SYNPR: variants seen among roughly 807,000 people sequenced by gnomAD.
SYNPR encodes the protein synaptoporin.
A neutral mutation model predicts 32.9 loss-of-function variants in SYNPR; 23 were observed. The observed-to-expected ratio is 0.70, with a 90% CI of 0.50 to 0.99. The LOEUF (loss-of-function observed/expected upper bound fraction) is 0.99. Ranked by LOEUF, SYNPR falls within the 50% of genes least tolerant of loss-of-function variation. The pLI is 0.00. For missense variants in SYNPR, 318 were observed against 349.3 expected, an observed-to-expected ratio of 0.91 and a Z score of 0.71; for synonymous variants, 146 against 135.9, an observed-to-expected ratio of 1.07 and a Z score of -0.52.
chr3:63,492,580 T>A (rs989867311), intron 3 of SYNPR, among the ~76,000 whole-genome samples: 1 of 152,192 alleles, frequency 6.6e-6, no homozygotes, highest in Non-Finnish European at 1.5e-5. Context: ...TTGGGGCACT[T>A]ACTGAAAATG....
upstream of SYNPR, among the ~76,000 whole-genome samples, chr3:63,223,952 C>A (rs1314562922): frequency 6.6e-6 from 1 of 152,128 alleles, no homozygotes; most frequent in Non-Finnish European, 1.5e-5. Context: ...CATGTATCTT[C>A]TTGTTGCATA....
chr3:63,365,361 G>A (rs190344701), intron 2 of SYNPR, among the ~76,000 whole-genome samples: 27 of 152,278 alleles, frequency 1.8e-4, no homozygotes, highest in African/African-American at 6.0e-4. Flanking sequence ...CTGGACGTGG[G>A]GGTGGGTTGT....
chr3:63,535,934 T>C (rs1021457754), intron 3 of SYNPR, among the ~76,000 whole-genome samples: 2 of 151,966 alleles, frequency 1.3e-5, no homozygotes, highest in Non-Finnish European at 2.9e-5. Flanking sequence ...ATAGATAAAC[T>C]GGATTTCATC....
At chr3:63,276,810 G>A (rs12630309), upstream of SYNPR, among the ~76,000 whole-genome samples, 36,598 of 151,666 alleles carry the variant, frequency 0.24, 4,670 homozygotes, top group South Asian at 0.38. Flanking sequence ...TTCATGAGCA[G>A]GGGGCATTTA....
intron 3 of SYNPR, among the ~76,000 whole-genome samples, chr3:63,272,692 A>G (rs1030852704): frequency 6.6e-6 from 1 of 152,074 alleles, no homozygotes; most frequent in Non-Finnish European, 1.5e-5. Flanking sequence ...CCATACCTTC[A>G]TTCCTCTGTC....
rs1311584099 is a variant in SYNPR, at chr3:63,377,628, T to G, written c.84+98886T>G. Among the ~76,000 whole-genome samples, 8 of 92,920 alleles carry G rather than the reference T, an allele frequency of 8.6e-5. No homozygotes were observed. In the East Asian group the frequency reaches 1.4e-3, roughly 17 times the overall value. 61.0% of individuals were successfully genotyped at this position (92,920 alleles called of 152,430 possible). On this transcript the variant is annotated intron_variant, in intron 2 of 5. Transcript: ENST00000478300. ...ACAATCCAAGTGAGATACATCTTAG[T>G]TTTTTTTTAAACCCTGCTTCATGAA...
intron 2 of SYNPR, among the ~76,000 whole-genome samples, chr3:63,475,586 T>C (rs771243832): frequency 6.6e-6 from 1 of 152,196 alleles, no homozygotes; most frequent in Non-Finnish European, 1.5e-5. Context: ...GCCTAGAATT[T>C]GAAGAGCATA....
intron 2 of SYNPR, chr3:63,445,445 T>A (rs1159730363): frequency 4.8e-6 from 3 of 621,034 alleles, no homozygotes. Flanking sequence ...CCAGAAAATC[T>A]GTCATAATCT....
intron 2 of SYNPR, among the ~76,000 whole-genome samples, chr3:63,354,386 G>T (rs1389855105): frequency 6.6e-6 from 1 of 152,156 alleles, no homozygotes; most frequent in Non-Finnish European, 1.5e-5. Flanking sequence ...CCACTTTAGG[G>T]CTGTGTGGGC....
At chr3:63,235,859 G>A (rs1216303812) in intron 1 of SYNPR, among the ~76,000 whole-genome samples, 2 of 151,942 alleles carry the variant, frequency 1.3e-5, no homozygotes, top group African/African-American at 4.8e-5. Flanking sequence ...CAGATCAAAA[G>A]TTTTTCATTT....
At chr3:63,595,737 A>AG (rs1287446381) in intron 4 of SYNPR, among the ~76,000 whole-genome samples, 1 of 35,138 alleles carries the variant, frequency 2.8e-5, no homozygotes, top group Non-Finnish European at 4.1e-5. Context: ...ATATATATAT[A>AG]TATATATATA....
At chr3:63,544,898 A>G (rs369699134) in intron 3 of SYNPR, among the ~76,000 whole-genome samples, 2 of 151,996 alleles carry the variant, frequency 1.3e-5, no homozygotes, top group East Asian at 1.9e-4. Context: ...ACACAATCCT[A>G]TGAATATGGT....
chr3:63,372,699 A>C (rs1258877326), intron 2 of SYNPR, among the ~76,000 whole-genome samples: 1 of 152,158 alleles, frequency 6.6e-6, no homozygotes, highest in Non-Finnish European at 1.5e-5. Context: ...TGCCACAACC[A>C]CTGCCAAGAT....
intron 2 of SYNPR, among the ~76,000 whole-genome samples, chr3:63,258,738 A>AT (rs1347510734): frequency 6.6e-6 from 1 of 152,202 alleles, no homozygotes; most frequent in African/African-American, 2.4e-5. Context: ...GAACTGAAGG[A>AT]AATAGAGACA....
At chr3:63,287,392 C>T (rs6777885) in intron 2 of SYNPR, among the ~76,000 whole-genome samples, 70,475 of 151,822 alleles carry the variant, frequency 0.46, 16,528 homozygotes, top group Middle Eastern at 0.52. Context: ...AATGTAGATA[C>T]CACTGTCTAG....
At chr3:63,275,660 G>T (rs1177142230), upstream of SYNPR, among the ~76,000 whole-genome samples, 1 of 152,160 alleles carries the variant, frequency 6.6e-6, no homozygotes, top group African/African-American at 2.4e-5. Flanking sequence ...ATATGTAGAT[G>T]ACCTTAGGCA....
the SYNPR span, among the ~76,000 whole-genome samples, chr3:63,201,426 T>C: frequency 1.3e-5 from 2 of 152,186 alleles, no homozygotes; most frequent in African/African-American, 4.8e-5. Context: ...CTGCAAAATA[T>C]GTGTCTCTGT....
intron 3 of SYNPR, among the ~76,000 whole-genome samples, chr3:63,482,609 G>A (rs1015859839): frequency 7.9e-5 from 12 of 152,132 alleles, no homozygotes; most frequent in South Asian, 6.2e-4. Context: ...GCAAGAAATC[G>A]TTTGCCACTT....
chr3:63,377,860 G>A (rs1184373021), intron 2 of SYNPR, among the ~76,000 whole-genome samples: 1 of 151,748 alleles, frequency 6.6e-6, no homozygotes, highest in Non-Finnish European at 1.5e-5. Context: ...AATAAATTAA[G>A]CATAAGATTA....
Sources: allele counts gnomAD v4.1 joint callset (sites outside exome capture counted in the v4.1 genomes callset), GRCh38; gene constraint gnomAD v4.1.1; transcripts MANE v1.5; gene names NCBI Gene and HGNC (gene_info 2026-07-23, HGNC 2026-07-21).